NAALADL2: variants seen among roughly 807,000 people sequenced by gnomAD.
The protein encoded by NAALADL2 is N-acetylated alpha-linked acidic dipeptidase like 2, also known as inactive N-acetylated-alpha-linked acidic dipeptidase-like protein 2.
A neutral mutation model predicts 87.2 loss-of-function variants in NAALADL2; 76 were observed. That is an observed-to-expected ratio of 0.87 (90% CI 0.72 to 1.05). The LOEUF (loss-of-function observed/expected upper bound fraction) is 1.05, where lower values mean the gene tolerates loss of function less well. NAALADL2 is among the 50% of genes least tolerant of loss of function. NAALADL2 has a pLI of 0.00. For missense variants in NAALADL2, 1,089 were observed against 945.8 expected (o/e 1.15, Z -1.99); for synonymous variants, 354 against 331.0 (o/e 1.07, Z -0.75).
chr3:175,635,726 A>G (rs2149741315), intron 11 of NAALADL2, among the ~76,000 whole-genome samples: 1 of 151,760 alleles, frequency 6.6e-6, no homozygotes, highest in South Asian at 2.1e-4. Flanking sequence ...TAATTTCTGC[A>G]TTTTTTCCTC....
At chr3:175,128,344 A>G (rs1273814088) in intron 2 of NAALADL2, among the ~76,000 whole-genome samples, 1 of 152,200 alleles carries the variant, frequency 6.6e-6, no homozygotes, top group Non-Finnish European at 1.5e-5. Context: ...TTTGAAGATC[A>G]TGGTTGTCTA....
intron 5 of NAALADL2, among the ~76,000 whole-genome samples, chr3:175,382,734 A>T (rs1300592629): frequency 1.3e-5 from 2 of 151,634 alleles, no homozygotes; most frequent in East Asian, 4.0e-4. Flanking sequence ...ACCTGTTATT[A>T]TCTGTCCTTT....
In NAALADL2 at chr3:174,917,543, A is replaced by T. The variant is rs547709269; in HGVS notation, c.43+58093A>T. Among the ~76,000 whole-genome samples, 15 of 152,184 alleles carry T rather than the reference A, an allele frequency of 9.9e-5. No homozygotes were observed. In the East Asian group the frequency reaches 2.3e-3, roughly 24 times the overall value. On this transcript the variant is annotated intron_variant, in intron 1 of 13. Coordinates refer to ENST00000454872, the MANE Select transcript of NAALADL2 (RefSeq NM_207015.3). ...ATTTCAGAATCTGCTGAATACTATTATTTACTTGAATACCTGTAGCACAAA... is the reference window on the plus strand; with the variant it reads ...ATTTCAGAATCTGCTGAATACTATTTTTTACTTGAATACCTGTAGCACAAA...
chr3:175,150,055 G>A (rs952825815), intron 2 of NAALADL2, among the ~76,000 whole-genome samples: 3 of 152,086 alleles, frequency 2.0e-5, no homozygotes, highest in South Asian at 4.1e-4. Flanking sequence ...TTAGAAAGAG[G>A]CAATCATTTT....
intron 9 of NAALADL2, among the ~76,000 whole-genome samples, chr3:175,491,903 GA>G (rs1008758722): frequency 6.5e-4 from 99 of 152,124 alleles, no homozygotes; most frequent in African/African-American, 2.2e-3. Flanking sequence ...ATTATGATCG[GA>G]ATAATTTGCA....
At chr3:175,571,481 A>T (rs777803976) in intron 9 of NAALADL2, among the ~76,000 whole-genome samples, 1 of 152,206 alleles carries the variant, frequency 6.6e-6, no homozygotes, top group Non-Finnish European at 1.5e-5. Flanking sequence ...CCCCTCTTCC[A>T]TGGTGCTTAA....
At chr3:174,648,070 G>T (rs1475952021) in intron 2 of NAALADL2, among the ~76,000 whole-genome samples, 1 of 151,964 alleles carries the variant, frequency 6.6e-6, no homozygotes, top group Non-Finnish European at 1.5e-5. Flanking sequence ...GTTACCTATG[G>T]TCAAAAAGAA....
intron 3 of NAALADL2, among the ~76,000 whole-genome samples, chr3:174,829,040 C>A (rs375631300): frequency 3.2e-4 from 49 of 152,190 alleles, no homozygotes; most frequent in Non-Finnish European, 5.7e-4. Flanking sequence ...CCCTGAGTTA[C>A]ATATTGAACT....
intron 4 of NAALADL2, among the ~76,000 whole-genome samples, chr3:175,276,774 T>C (rs1019488486): frequency 6.6e-6 from 1 of 152,194 alleles, no homozygotes; most frequent in African/African-American, 2.4e-5. Context: ...CTTATTTATT[T>C]TTTAAATTTT....
At chr3:175,428,164 A>G (rs535815827) in intron 5 of NAALADL2, among the ~76,000 whole-genome samples, 1 of 151,818 alleles carries the variant, frequency 6.6e-6, no homozygotes, top group Non-Finnish European at 1.5e-5. Flanking sequence ...TTATATTTAT[A>G]AAAAAACTAC....
At chr3:175,090,009 G>A (rs1719782769) in intron 1 of NAALADL2, among the ~76,000 whole-genome samples, 2 of 151,998 alleles carry the variant, frequency 1.3e-5, no homozygotes, top group Non-Finnish European at 2.9e-5. Flanking sequence ...TCATGTATGT[G>A]TGTTTCTAGT....
chr3:175,082,721 C>T (rs1048715303), intron 1 of NAALADL2, among the ~76,000 whole-genome samples: 5 of 152,110 alleles, frequency 3.3e-5, no homozygotes, highest in Non-Finnish European at 5.9e-5. Context: ...GCTTTAGGAG[C>T]TATTTAATTA....
chr3:174,882,330 A>G, intron 1 of NAALADL2, among the ~76,000 whole-genome samples: 1 of 151,926 alleles, frequency 6.6e-6, no homozygotes, highest in East Asian at 1.9e-4. Flanking sequence ...TAATATGGCC[A>G]TGAAACAATT....
At chr3:174,519,997 C>A (rs1720176654) in intron 1 of NAALADL2, among the ~76,000 whole-genome samples, 1 of 152,086 alleles carries the variant, frequency 6.6e-6, no homozygotes, top group East Asian at 1.9e-4. Context: ...CCTAGGAATA[C>A]ATTTATCCAA....
At chr3:174,844,074 T>A (rs1475055399) in intron 3 of NAALADL2, among the ~76,000 whole-genome samples, 1 of 152,184 alleles carries the variant, frequency 6.6e-6, no homozygotes. Flanking sequence ...TGAGGTCGTA[T>A]TTTAAAAATC....
chr3:174,847,297 A>T (rs1724733298), intron 3 of NAALADL2, among the ~76,000 whole-genome samples: 1 of 152,140 alleles, frequency 6.6e-6, no homozygotes. Context: ...CCAACCTGGG[A>T]TTTCTTGGCC....
At chr3:175,507,411 T>C (rs1730499948) in intron 9 of NAALADL2, among the ~76,000 whole-genome samples, 1 of 152,192 alleles carries the variant, frequency 6.6e-6, no homozygotes, top group South Asian at 2.1e-4. Context: ...ATTATTTTGA[T>C]TATTAGGCAT....
At chr3:175,417,751 G>A (rs1163475940) in intron 5 of NAALADL2, among the ~76,000 whole-genome samples, 1 of 152,136 alleles carries the variant, frequency 6.6e-6, no homozygotes, top group African/African-American at 2.4e-5. Flanking sequence ...AATGTTTAGT[G>A]TGTAACACAT....
chr3:174,952,425 G>T (rs1740511413), intron 1 of NAALADL2, among the ~76,000 whole-genome samples: 1 of 152,118 alleles, frequency 6.6e-6, no homozygotes, highest in Non-Finnish European at 1.5e-5. Context: ...GGATTTGCCT[G>T]TGATAGCAAT....
Sources: allele counts gnomAD v4.1 joint callset (sites outside exome capture counted in the v4.1 genomes callset), GRCh38; gene constraint gnomAD v4.1.1; transcripts MANE v1.5; gene names NCBI Gene and HGNC (gene_info 2026-07-23, HGNC 2026-07-21).